The following PARD3B variants were observed in gnomAD, a reference collection of about 807,000 sequenced individuals.
The protein encoded by PARD3B is par-3 family cell polarity regulator beta, also known as partitioning defective 3 homolog B.
In PARD3B, 103 loss-of-function variants were observed where a neutral mutation model predicts 130.2. The ratio of observed to expected loss-of-function variants is 0.79; its 90% confidence interval spans 0.67 to 0.93. The LOEUF (loss-of-function observed/expected upper bound fraction) is 0.93, where lower values mean the gene tolerates loss of function less well. Among genes scored for constraint, PARD3B ranks in the 40% least tolerant of loss-of-function variants. The pLI is 0.00. For synonymous variants in PARD3B, 583 were observed against 553.2 expected, an observed-to-expected ratio of 1.05 and a Z score of -0.76; for missense variants, 1,609 against 1,499.2, an observed-to-expected ratio of 1.07 and a Z score of -1.21.
At chr2:204,826,531 C>T (rs2043581628) in intron 2 of PARD3B, among the ~76,000 whole-genome samples, 1 of 152,040 alleles carries the variant, frequency 6.6e-6, no homozygotes, top group African/African-American at 2.4e-5. Flanking sequence ...TAAAGATATT[C>T]AGATATTTAT....
intron 3 of PARD3B, among the ~76,000 whole-genome samples, chr2:205,009,636 A>C (rs921151926): frequency 6.7e-6 from 1 of 149,584 alleles, no homozygotes; most frequent in Admixed American, 6.8e-5. Flanking sequence ...GCGCCACTGC[A>C]CTCCAGCCTG....
intron 3 of PARD3B, among the ~76,000 whole-genome samples, chr2:204,989,519 C>A (rs1282609042): frequency 6.6e-6 from 1 of 152,090 alleles, no homozygotes; most frequent in Non-Finnish European, 1.5e-5. Flanking sequence ...GTAACTAACA[C>A]CTGATTTGAG....
At chr2:204,797,842 CA>C (rs1488890033) in intron 2 of PARD3B, among the ~76,000 whole-genome samples, 5 of 152,086 alleles carry the variant, frequency 3.3e-5, no homozygotes, top group African/African-American at 1.2e-4. Flanking sequence ...TTTGAAACCC[CA>C]TTACTTTAGT....
intron 1 of PARD3B, among the ~76,000 whole-genome samples, chr2:204,626,528 G>A (rs1244205567): frequency 6.6e-6 from 1 of 151,414 alleles, no homozygotes; most frequent in Non-Finnish European, 1.5e-5. Context: ...ACAGATAGAC[G>A]ATAAATATGA....
Position 205,592,274 on chromosome 2 carries a change from T to TG in PARD3B, c.3261-23181dup, listed in dbSNP as rs2054413383. 6.6e-6 allele frequency among the ~76,000 whole-genome samples: 1 copy of TG among 152,202 alleles called. No homozygotes were observed. The highest frequency in any genetic ancestry group is 2.1e-4 in the South Asian group (1 of 4,830). ...GCTGAGCGTAACATCAAGGTTGACT[T>TG]GTTCATTGGAATTGCTGTACGCCTT... On this transcript the variant is annotated intron_variant, in intron 22 of 22. Transcript: ENST00000406610. This position sits in a 1 kb window ranked among gnomAD's most constrained non-coding sequence, Gnocchi z 4.5.
At chr2:205,323,558 T>C (rs188066708) in intron 18 of PARD3B, among the ~76,000 whole-genome samples, 7 of 152,164 alleles carry the variant, frequency 4.6e-5, no homozygotes, top group Admixed American at 4.6e-4. Flanking sequence ...CTAAGGACCA[T>C]TAGATAATGT....
intron 2 of PARD3B, among the ~76,000 whole-genome samples, chr2:204,808,351 T>C (rs953876931): frequency 1.3e-5 from 2 of 152,128 alleles, no homozygotes; most frequent in African/African-American, 4.8e-5. Context: ...TTAACTTTTC[T>C]TTTAGATTCA....
chr2:205,127,377 T>C lies in PARD3B; in HGVS notation c.1434+1640T>C, dbSNP rs1016065914. Among the ~76,000 whole-genome samples the C allele has an allele frequency of 5.9e-4, 89 of 151,786 alleles. 1 individual carries two copies. Among genetic ancestry groups the C allele is most frequent in the Admixed American group, 8.5e-4 (13 of 15,242 alleles). ...TAATAACAAATAGAAACAAATGTGA[T>C]AAAAGGACTTGTATTTACTCCTTGT... On this transcript the variant is annotated intron_variant, in intron 10 of 22. Coordinates refer to ENST00000406610, the MANE Select transcript of PARD3B (RefSeq NM_001302769.2).
intron 15 of PARD3B, among the ~76,000 whole-genome samples, chr2:205,195,288 CAGGACCCT>C (rs1314792667): frequency 5.3e-5 from 8 of 152,098 alleles, no homozygotes; most frequent in African/African-American, 1.9e-4. Flanking sequence ...CTATTTTCTT[CAGGACCCT>C]AGTACCAAAC....
chr2:204,932,400 C>T (rs1317518481), intron 2 of PARD3B, among the ~76,000 whole-genome samples: 2 of 151,940 alleles, frequency 1.3e-5, no homozygotes, highest in African/African-American at 4.8e-5. Flanking sequence ...AAATAATCTG[C>T]CTTTAATGGT....
chr2:204,703,928 A>G (rs1050500125), intron 2 of PARD3B, among the ~76,000 whole-genome samples: 1 of 152,138 alleles, frequency 6.6e-6, no homozygotes, highest in Non-Finnish European at 1.5e-5. Flanking sequence ...GAAGTTAATG[A>G]GTGCCAAATA....
intron 3 of PARD3B, among the ~76,000 whole-genome samples, chr2:205,040,931 A>G (rs1253459583): frequency 6.6e-6 from 1 of 152,156 alleles, no homozygotes; most frequent in Non-Finnish European, 1.5e-5. Context: ...CTCTTTGCAC[A>G]TAAACAGGTT....
intron 2 of PARD3B, among the ~76,000 whole-genome samples, chr2:204,831,367 T>C (rs569961787): frequency 6.6e-6 from 1 of 152,332 alleles, no homozygotes; most frequent in African/African-American, 2.4e-5. Context: ...ATTCTTTAAA[T>C]ATCACGCTTA....
intron 4 of PARD3B, among the ~76,000 whole-genome samples, chr2:205,063,298 A>G (rs1008284414): frequency 4.5e-4 from 69 of 152,126 alleles, no homozygotes; most frequent in African/African-American, 1.6e-3. Context: ...CCCTCAAAAC[A>G]TGTACAACTA....
intron 16 of PARD3B, among the ~76,000 whole-genome samples, chr2:205,289,683 G>T (rs1047355458): frequency 6.6e-6 from 1 of 152,142 alleles, no homozygotes; most frequent in Admixed American, 6.5e-5. Context: ...TGAGTCATGA[G>T]GCCTCTGCCA....
rs116491192 is a variant in PARD3B at position 205,123,888 on chromosome 2, C to T, written c.1166-439C>T. On this transcript the variant is annotated intron_variant, in intron 8 of 22. Coordinates refer to ENST00000406610, the MANE Select transcript of PARD3B (RefSeq NM_001302769.2). ...AACAACAAGATGCTTGCTGACCAGA[C>T]AATGGGATGCAGCAGTACAAGGAAT... 5.8e-3 allele frequency among the ~76,000 whole-genome samples: 885 copies of T among 152,158 alleles called. 9 individuals carry two copies. The highest frequency in any genetic ancestry group is 0.02 in the African/African-American group (841 of 41,524).
chr2:205,609,727 C>A (rs2055160613), intron 22 of PARD3B, among the ~76,000 whole-genome samples: 1 of 152,314 alleles, frequency 6.6e-6, no homozygotes, highest in East Asian at 1.9e-4. Flanking sequence ...TTTATACTTT[C>A]TGCTGCATAT....
Position 205,349,818 on chromosome 2 carries a change from TTTA to T in PARD3B, c.2630+48118_2630+48120del, listed in dbSNP as rs1367329583. Among the ~76,000 whole-genome samples the T allele has an allele frequency of 6.7e-5, 10 of 148,586 alleles. No homozygotes were observed. The East Asian group carries it at 9.8e-4, about 15-fold the overall frequency. ...TTTTTCTCTTTTTTTTTTTTTTTTTTTTAAAAAAAGAGGAAGCAAAAGGAGGAG... is the reference window on the plus strand; with the variant it reads ...TTTTTCTCTTTTTTTTTTTTTTTTTTAAAAAAGAGGAAGCAAAAGGAGGAG... On this transcript the variant is annotated intron_variant, in intron 18 of 22. Transcript: ENST00000406610.
chr2:205,456,081 A>ACCCTGGAT (rs2048264415), intron 20 of PARD3B, among the ~76,000 whole-genome samples: 2 of 152,038 alleles, frequency 1.3e-5, no homozygotes, highest in Non-Finnish European at 2.9e-5. Context: ...GGCTTTTTTC[A>ACCCTGGAT]CACCCTGGAG....
Sources: allele counts gnomAD v4.1 joint callset (sites outside exome capture counted in the v4.1 genomes callset), GRCh38; gene constraint gnomAD v4.1.1; non-coding constraint Gnocchi (gnomAD v3.1); transcripts MANE v1.5; gene names NCBI Gene and HGNC (gene_info 2026-07-23, HGNC 2026-07-21).